Variants in DENND3 observed in about 807,000 individuals in gnomAD.
DENND3 encodes DENN domain-containing protein 3.
A neutral mutation model predicts 135.1 loss-of-function variants in DENND3; 88 were observed. The observed-to-expected ratio is 0.65, with a 90% CI of 0.55 to 0.78. The LOEUF is 0.78. Ranked by LOEUF, DENND3 falls within the 30% of genes least tolerant of loss-of-function variation. The pLI is 0.00. For missense variants in DENND3, 1,392 were observed against 1,688.4 expected, an observed-to-expected ratio of 0.82 and a Z score of 3.08; for synonymous variants, 693 against 712.3, an observed-to-expected ratio of 0.97 and a Z score of 0.43.
Position 141,146,281 on chromosome 8 carries a change from GTTTT to G in DENND3, c.735+2027_735+2030del, listed in dbSNP as rs938733701. Among the ~76,000 whole-genome samples, 3 of 152,018 alleles carry G rather than the reference GTTTT, an allele frequency of 2.0e-5. No homozygotes were observed. Among genetic ancestry groups the G allele is most frequent in the Non-Finnish European group, 2.9e-5 (2 of 67,986 alleles). Reference sequence around the variant, plus strand: ...GAACAGGCAAACATTTCCCAGGCTGGTTTTTTTTCTGAGAGATGTTATTGGCGAT... The same window carrying G: ...GAACAGGCAAACATTTCCCAGGCTGGTTTTCTGAGAGATGTTATTGGCGAT... On this transcript the variant is annotated intron_variant, in intron 5 of 22. Transcript: ENST00000519811. The surrounding 1 kb of genome is among the most constrained non-coding windows in gnomAD (Gnocchi z 4.3).
chr8:141,175,079 G>A lies in DENND3; in HGVS notation c.2276-121G>A. 8.3e-7 allele frequency: 1 copy of A among 1,200,124 alleles called. No homozygotes were observed. Among genetic ancestry groups the A allele is most frequent in the Non-Finnish European group, 1.2e-6 (1 of 859,756 alleles). The allele number at this position is 1,200,124 out of a possible 1,614,324, so 74.3% of individuals were successfully genotyped here. A position where few individuals can be genotyped will look rare whatever the true frequency, so the allele number is the denominator to read the frequency against. The stretch of plus-strand genomic sequence containing the variant: ...GCAGTTTCCATCCAGCGCCCTGAGT[G>A]CTGGCGCCACCTGCTGCCGGGTTCC... On this transcript the variant is annotated intron_variant, in intron 13 of 22. Coordinates refer to ENST00000519811, the MANE Select transcript of DENND3 (RefSeq NM_001352890.3). The surrounding 1 kb of genome is among the most constrained non-coding windows in gnomAD (Gnocchi z 5.4).
At chr8:141,162,679 T>C (rs1340908811) in intron 9 of DENND3, among the ~76,000 whole-genome samples, 2 of 152,270 alleles carry the variant, frequency 1.3e-5, no homozygotes, top group East Asian at 3.9e-4. Flanking sequence ...CTCACGCCTG[T>C]AATCCCAGCA....
At chr8:141,180,703 C>T (rs1028870796) in intron 16 of DENND3, 44 bp from the exon 17 acceptor site, 11 of 1,571,388 alleles carry the variant, frequency 7.0e-6, no homozygotes, top group African/African-American at 1.3e-5. Flanking sequence ...GCGTCTGTTT[C>T]CTTGAGGCTG....
intron 3 of DENND3, among the ~76,000 whole-genome samples, chr8:141,140,623 A>G (rs755051107): frequency 6.6e-6 from 1 of 152,192 alleles, no homozygotes; most frequent in Non-Finnish European, 1.5e-5. Flanking sequence ...TTACCTGGAT[A>G]TCTTATAAGT....
At chr8:141,153,424 A>C (rs1334423053) in intron 7 of DENND3, among the ~76,000 whole-genome samples, 1 of 152,212 alleles carries the variant, frequency 6.6e-6, no homozygotes, top group South Asian at 2.1e-4. Context: ...TGTGCACAAA[A>C]ATAGAAGAAC....
chr8:141,192,153 G>C (rs1199611583), intron 20 of DENND3, 178 bp from the exon 21 acceptor site: 1 of 643,948 alleles, frequency 1.6e-6, no homozygotes, highest in Non-Finnish European at 2.4e-6. Flanking sequence ...AAAGACCCAG[G>C]GTTCTAGCTT....
Position 141,167,594 on chromosome 8 carries a change from C to G in DENND3, c.1754-410C>G, listed in dbSNP as rs997860451. Among the ~76,000 whole-genome samples, 1 of 152,152 alleles carries G rather than the reference C, an allele frequency of 6.6e-6. No homozygotes were observed. The highest frequency in any genetic ancestry group is 1.5e-5 in the Non-Finnish European group (1 of 68,018). On this transcript the variant is annotated intron_variant, in intron 12 of 22. Coordinates refer to ENST00000519811, the MANE Select transcript of DENND3 (RefSeq NM_001352890.3). This position sits in a 1 kb window ranked among gnomAD's most constrained non-coding sequence, Gnocchi z 4.1. The stretch of plus-strand genomic sequence containing the variant: ...AGCCTCGGTTTCCGCATCTGTAGAA[C>G]GGGACTATAGTAATAATACCCCTGT...
chr8:141,150,254 C>A, intron 5 of DENND3: 1 of 1,207,206 alleles, frequency 8.3e-7, no homozygotes, highest in Non-Finnish European at 1.1e-6. Context: ...AGTGAAGGAA[C>A]TGAACCTTCT....
intron 4 of DENND3, chr8:141,143,891 C>A (rs307763): frequency 0.027 from 10,112 of 370,144 alleles, 937 homozygotes; most frequent in African/African-American, 0.19. Context: ...GTAACTAGCA[C>A]CCAGATGAGG....
At chr8:141,163,126 C>G (rs1820347932) in intron 9 of DENND3, among the ~76,000 whole-genome samples, 1 of 152,196 alleles carries the variant, frequency 6.6e-6, no homozygotes, top group South Asian at 2.1e-4. Context: ...ACACTGCCTC[C>G]TGTACTTTCG....
chr8:141,146,727 C>T lies in DENND3; in HGVS notation c.735+2468C>T, dbSNP rs978911676. Reference sequence around the variant, plus strand: ...AAAATCCTGCCGGTGCATTCCAGTCCAGATACGCAGCAGGCCACCCGTCTC... The same window carrying T: ...AAAATCCTGCCGGTGCATTCCAGTCTAGATACGCAGCAGGCCACCCGTCTC... On this transcript the variant is annotated intron_variant, in intron 5 of 22. Transcript: ENST00000519811. The surrounding 1 kb of genome is among the most constrained non-coding windows in gnomAD (Gnocchi z 4.3). Among the ~76,000 whole-genome samples the T allele has an allele frequency of 2.6e-5, 4 of 152,154 alleles. No individual in the cohort carries two copies. The highest frequency in any genetic ancestry group is 4.8e-5 in the African/African-American group (2 of 41,414).
chr8:141,150,724 G>A, intron 5 of DENND3, 110 bp from the exon 6 acceptor site: 1 of 1,379,176 alleles, frequency 7.3e-7, no homozygotes, highest in South Asian at 1.6e-5. Flanking sequence ...TGTGTCTTCA[G>A]AAATGTTTTC....
Position 141,189,292 on chromosome 8 carries a change from G to C in DENND3, c.3245+146G>C. 18 of 1,133,276 alleles carry C rather than the reference G, an allele frequency of 1.6e-5. No homozygotes were observed. The South Asian group carries it at 2.5e-4, about 16-fold the overall frequency. The allele number at this position is 1,133,276 out of a possible 1,614,324, so 70.2% of individuals were successfully genotyped here. On this transcript the variant is annotated intron_variant, in intron 19 of 22. Transcript: ENST00000519811. ...GGATCTAGAACGAGGAAAGCTGGGT[G>C]GTGTCCTCGGTCTGCTTCTGCTCAC...
intron 13 of DENND3, among the ~76,000 whole-genome samples, chr8:141,173,020 A>G (rs994432529): frequency 6.7e-6 from 1 of 150,120 alleles, no homozygotes; most frequent in African/African-American, 2.4e-5. Flanking sequence ...TCAGAGGCGG[A>G]GGTGGCTGAG....
intron 9 of DENND3, among the ~76,000 whole-genome samples, chr8:141,162,487 T>A (rs560204155): frequency 1.3e-5 from 2 of 152,318 alleles, no homozygotes; most frequent in East Asian, 3.9e-4. Flanking sequence ...TTCCCCTAGA[T>A]GAAATAATTT....
chr8:141,178,805 C>T (rs1292886436), intron 16 of DENND3, among the ~76,000 whole-genome samples: 3 of 152,242 alleles, frequency 2.0e-5, no homozygotes, highest in African/African-American at 7.2e-5. Flanking sequence ...GAGGCTGGTG[C>T]TGGACTCCCA....
At chr8:141,129,077 C>T (rs1156664362) in intron 1 of DENND3, among the ~76,000 whole-genome samples, 1 of 152,234 alleles carries the variant, frequency 6.6e-6, no homozygotes, top group Non-Finnish European at 1.5e-5. Flanking sequence ...TTGAGAGCTG[C>T]GAACTTGGTC....
chr8:141,142,264 G>T (rs1817552965), intron 4 of DENND3: 1 of 422,384 alleles, frequency 2.4e-6, no homozygotes, highest in Admixed American at 2.6e-5. Flanking sequence ...GTCTCATAAA[G>T]TTACAGTCTG....
chr8:141,188,255 C>A (rs1373617828), intron 18 of DENND3: 1 of 152,404 alleles, frequency 6.6e-6, no homozygotes, highest in East Asian at 1.9e-4. Context: ...AATAAAAATT[C>A]TGATTTCAAA....
Sources: gnomAD v4.1 joint callset for allele counts (sites outside exome capture counted in the v4.1 genomes callset) on GRCh38, gnomAD v4.1.1 for gene constraint, Gnocchi (gnomAD v3.1) non-coding constraint, MANE v1.5 for transcripts, NCBI Gene and HGNC (gene_info 2026-07-23, HGNC 2026-07-21) for gene names.